MYOCD: variants seen among roughly 807,000 people sequenced by gnomAD.
MYOCD encodes the protein myocardin.
A neutral mutation model predicts 96.1 loss-of-function variants in MYOCD; 32 were observed. The observed-to-expected ratio is 0.33, with a 90% confidence interval of 0.25 to 0.45. MYOCD has a LOEUF of 0.45. Ranked by LOEUF, MYOCD falls within the 20% of genes least tolerant of loss-of-function variation. The probability of loss-of-function intolerance (pLI) is 1.00; values close to 1 mark genes in which losing one functional copy is unlikely to be tolerated. For missense variants in MYOCD, 1,133 were observed against 1,200.6 expected (o/e 0.94, Z 0.83); for synonymous variants, 469 against 469.0 (o/e 1.00, Z 0.00).
At position 12,706,314 on chromosome 17, in the gene MYOCD, A is replaced by G. The variant is rs191110265; in HGVS notation, c.121+1121A>G. ...GGCTGTTTAAACAACGTTGACAACTATGCTGAGGAAGCAAAGGAGCAAGTC... is the reference window on the plus strand; with the variant it reads ...GGCTGTTTAAACAACGTTGACAACTGTGCTGAGGAAGCAAAGGAGCAAGTC... On this transcript the variant is annotated intron_variant, in intron 2 of 13. Transcript: ENST00000425538. 1.8e-3 allele frequency among the ~76,000 whole-genome samples: 274 copies of G among 152,340 alleles called. 2 individuals carry two copies. The highest frequency in any genetic ancestry group is 6.4e-3 in the African/African-American group (268 of 41,580).
At position 12,666,047 on chromosome 17, in the gene MYOCD, TGTA is replaced by T. The variant is rs1909356870; in HGVS notation, c.-141_-139del. 1 of 628,826 alleles carries T rather than the reference TGTA, an allele frequency of 1.6e-6. No homozygotes were observed. The highest frequency in any genetic ancestry group is 1.9e-5 in the African/African-American group (1 of 53,846). The allele number at this position is 628,826 out of a possible 1,614,324, so 39.0% of individuals were successfully genotyped here. A position where few individuals can be genotyped will look rare whatever the true frequency, so the allele number is the denominator to read the frequency against. On this transcript the variant is annotated 5_prime_UTR_variant, in exon 1 of 14. Coordinates refer to ENST00000425538, the MANE Select transcript of MYOCD (RefSeq NM_001146312.3). The stretch of plus-strand genomic sequence containing the variant: ...GTTTTCTGGGGACACTGGCTGCCAC[TGTA>T]CTCCTACCCAGGGGAGCTCACGGAG...
chr17:12,708,352 G>T (rs1200412685), intron 2 of MYOCD, among the ~76,000 whole-genome samples: 1 of 152,008 alleles, frequency 6.6e-6, no homozygotes, highest in African/African-American at 2.4e-5. Context: ...AAAACTCAAA[G>T]TTGATGGCCA....
rs1386103654 is a variant in MYOCD at position 12,753,332 on chromosome 17, G to T, written c.2044G>T (p.Val682Leu). The stretch of plus-strand genomic sequence containing the variant: ...GGTCTCCTCGCCCATCAGCAGCCAG[G>T]TGTGCACTGCACAGGTAAGAGCACC... ...HRVSSPISSQ[V>L]CTAQNSGAHD... is the part of the protein sequence containing the mutation. Residue 682 changes from valine (V) to leucine (L), a missense_variant, in exon 10 of 14, where the codon GTG becomes TTG. Val to Leu is a conservative substitution (Grantham distance 32). Coordinates refer to ENST00000425538, the MANE Select transcript of MYOCD (RefSeq NM_001146312.3). The T allele has an allele frequency of 1.9e-6, 3 of 1,600,894 alleles. No individual in the cohort carries two copies. Among genetic ancestry groups the T allele is most frequent in the Non-Finnish European group, 2.6e-6 (3 of 1,173,778 alleles).
intron 1 of MYOCD, among the ~76,000 whole-genome samples, chr17:12,686,605 C>A (rs1350876004): frequency 2.0e-5 from 3 of 152,174 alleles, no homozygotes; most frequent in Non-Finnish European, 4.4e-5. Context: ...ATCGTATCTG[C>A]AAAACATGGA....
chr17:12,690,187 G>A (rs750014031), intron 1 of MYOCD, among the ~76,000 whole-genome samples: 17 of 151,614 alleles, frequency 1.1e-4, no homozygotes, highest in Admixed American at 2.6e-4. Flanking sequence ...AAAAATCCCA[G>A]TGGAAAATCT....
chr17:12,681,235 C>A (rs776192352), intron 1 of MYOCD, among the ~76,000 whole-genome samples: 5 of 152,202 alleles, frequency 3.3e-5, no homozygotes, highest in Non-Finnish European at 7.4e-5. Context: ...TCCCGGTGAG[C>A]ATGTGAATTG....
chr17:12,752,895 A>G lies in MYOCD; in HGVS notation c.1607A>G (p.Gln536Arg), dbSNP rs1280631401. 2 of 1,614,124 alleles carry G rather than the reference A, an allele frequency of 1.2e-6. No homozygotes were observed. Among genetic ancestry groups the G allele is most frequent in the Admixed American group, 1.7e-5 (1 of 60,006 alleles). The change falls in exon 10 of 14, where the codon CAG becomes CGG. Residue 536 changes from glutamine to arginine, a missense_variant. Transcript: ENST00000425538. The stretch of plus-strand genomic sequence containing the variant: ...ATCAATGAACTCACCTGGAAACTCC[A>G]GCAAGAGCAGAGGCAGGTGGAGGAG... ...KVINELTWKL[Q>R]QEQRQVEELR...
intron 1 of MYOCD, among the ~76,000 whole-genome samples, chr17:12,667,667 A>G (rs945008956): frequency 2.0e-5 from 3 of 152,226 alleles, no homozygotes; most frequent in African/African-American, 7.2e-5. Flanking sequence ...TGTCTCTAAA[A>G]GGATCTGGTG....
rs1407703656 is a variant in MYOCD, at chr17:12,768,584, T to A, written c.*4940T>A. 6.6e-6 allele frequency: 1 copy of A among 152,166 alleles called. No homozygotes were observed. The highest frequency in any genetic ancestry group is 1.9e-4 in the East Asian group (1 of 5,190). The allele number at this position is 152,166 out of a possible 1,614,324, so 9.4% of individuals were successfully genotyped here. On this transcript the variant is annotated 3_prime_UTR_variant, in exon 14 of 14. Coordinates refer to ENST00000425538, the MANE Select transcript of MYOCD (RefSeq NM_001146312.3). ...AAGGGGAGTATAATGATGGGGATGCTGGAAGCTTTTTTAATGTTTTCCAAA... is the reference window on the plus strand; with the variant it reads ...AAGGGGAGTATAATGATGGGGATGCAGGAAGCTTTTTTAATGTTTTCCAAA...
intron 2 of MYOCD, among the ~76,000 whole-genome samples, chr17:12,714,938 G>A (rs747351249): frequency 1.2e-4 from 18 of 152,086 alleles, no homozygotes; most frequent in Non-Finnish European, 2.6e-4. Flanking sequence ...TTCTGTTCAC[G>A]GTTGGAGTTA....
chr17:12,707,389 T>A (rs559015379), intron 2 of MYOCD, among the ~76,000 whole-genome samples: 22 of 151,840 alleles, frequency 1.4e-4, no homozygotes, highest in Non-Finnish European at 2.8e-4. Context: ...AGTCAAGATA[T>A]TAGGGGGAAA....
At chr17:12,670,224 AGTG>A (rs1909620015) in intron 1 of MYOCD, among the ~76,000 whole-genome samples, 1 of 152,188 alleles carries the variant, frequency 6.6e-6, no homozygotes, top group African/African-American at 2.4e-5. Flanking sequence ...GAATTCAGGT[AGTG>A]GGACCCACCC....
chr17:12,762,677 C>T (rs2033211811), intron 13 of MYOCD: 1 of 168,774 alleles, frequency 5.9e-6, no homozygotes, highest in East Asian at 1.7e-4. Context: ...ACCCTCAAAA[C>T]CCAAAACTGC....
chr17:12,721,764 C>T (rs1480706302), intron 4 of MYOCD, among the ~76,000 whole-genome samples: 1 of 152,182 alleles, frequency 6.6e-6, no homozygotes, highest in Non-Finnish European at 1.5e-5. Context: ...AGTTGGTACA[C>T]AGGATGAGTC....
At chr17:12,736,076 T>C (rs996364870) in intron 5 of MYOCD, 85 bp from the exon 6 acceptor site, 3 of 1,068,036 alleles carry the variant, frequency 2.8e-6, no homozygotes, top group African/African-American at 3.2e-5. Context: ...GTATTTTTAA[T>C]AGAAATGACA....
At chr17:12,692,576 C>G (rs2030508391) in intron 1 of MYOCD, among the ~76,000 whole-genome samples, 1 of 152,148 alleles carries the variant, frequency 6.6e-6, no homozygotes, top group Non-Finnish European at 1.5e-5. Flanking sequence ...ATGTCCTTGC[C>G]CCATCCTGTT....
Position 12,745,908 on chromosome 17 carries a change from T to C in MYOCD, c.972-11T>C. 6.2e-7 allele frequency: 1 copy of C among 1,613,338 alleles called. No individual in the cohort carries two copies. The highest frequency in any genetic ancestry group is 8.5e-7 in the Non-Finnish European group (1 of 1,179,802). ...GATTGTACTTGAAATGCCTCTTTGT[T>C]TGTTTTTTAGGGAACCAAATGAACA... On this transcript the variant is annotated splice_polypyrimidine_tract_variant and intron_variant, in intron 8 of 13. Coordinates refer to ENST00000425538, the MANE Select transcript of MYOCD (RefSeq NM_001146312.3).
chr17:12,713,402 C>T (rs1416582543), intron 2 of MYOCD, among the ~76,000 whole-genome samples: 2 of 152,188 alleles, frequency 1.3e-5, no homozygotes, highest in Non-Finnish European at 2.9e-5. Flanking sequence ...TCCTCCTAAA[C>T]CCCAAGCCCA....
In MYOCD at chr17:12,701,781, G is replaced by A. The variant is rs560882691; in HGVS notation, c.56-3347G>A. ...ATATGTTGTATATTTTTTATTATTCGGTTTAAAATATTTTTAATTACTCTC... is the reference window on the plus strand; with the variant it reads ...ATATGTTGTATATTTTTTATTATTCAGTTTAAAATATTTTTAATTACTCTC... On this transcript the variant is annotated intron_variant, in intron 1 of 13. Transcript: ENST00000425538. 1.1e-4 allele frequency among the ~76,000 whole-genome samples: 17 copies of A among 151,910 alleles called. No homozygotes were observed. In the South Asian group the frequency reaches 1.5e-3, roughly 13 times the overall value.
Sources: allele counts gnomAD v4.1 joint callset (sites outside exome capture counted in the v4.1 genomes callset), GRCh38; gene constraint gnomAD v4.1.1; transcripts MANE v1.5; gene names NCBI Gene and HGNC (gene_info 2026-07-23, HGNC 2026-07-21).